PTPRN2: variants seen among roughly 807,000 people sequenced by gnomAD.
PTPRN2 encodes receptor-type tyrosine-protein phosphatase N2.
A neutral mutation model predicts 118.8 loss-of-function variants in PTPRN2; 74 were observed. The ratio of observed to expected loss-of-function variants is 0.62; its 90% CI spans 0.52 to 0.76. PTPRN2 has a LOEUF of 0.76. PTPRN2 is among the 30% of genes least tolerant of loss of function. The probability of loss-of-function intolerance (pLI) is 0.00; values close to 1 mark genes in which losing one functional copy is unlikely to be tolerated. For synonymous variants in PTPRN2, 641 were observed against 608.0 expected (o/e 1.05, Z -0.80); for missense variants, 1,481 against 1,394.4 (o/e 1.06, Z -0.99).
chr7:158,403,594 G>A (rs1437426897), intron 2 of PTPRN2, among the ~76,000 whole-genome samples: 1 of 152,218 alleles, frequency 6.6e-6, no homozygotes, highest in African/African-American at 2.4e-5. Flanking sequence ...AATCACCACA[G>A]AGAGGTCACT....
At chr7:157,734,694 T>A (rs1800197349) in intron 12 of PTPRN2, among the ~76,000 whole-genome samples, 1 of 152,240 alleles carries the variant, frequency 6.6e-6, no homozygotes, top group Non-Finnish European at 1.5e-5. Context: ...TGTACTTACA[T>A]CTGGGGTCAA....
chr7:157,556,331 A>C, intron 21 of PTPRN2, among the ~76,000 whole-genome samples: 1 of 147,192 alleles, frequency 6.8e-6, no homozygotes, highest in South Asian at 2.2e-4. Context: ...ACCCACACTC[A>C]CACTCACGTC....
intron 12 of PTPRN2, among the ~76,000 whole-genome samples, chr7:157,853,149 A>T (rs1392796082): frequency 6.6e-6 from 1 of 152,148 alleles, no homozygotes; most frequent in Admixed American, 6.5e-5. Context: ...GATTCCTGGT[A>T]GGAAACAAGA....
chr7:158,170,306 A>G (rs1422455221), intron 5 of PTPRN2, among the ~76,000 whole-genome samples: 1 of 152,122 alleles, frequency 6.6e-6, no homozygotes, highest in Non-Finnish European at 1.5e-5. Context: ...GGGGGTGGGG[A>G]TCTGCGTCCA....
chr7:157,793,504 T>G (rs963445282), intron 12 of PTPRN2, among the ~76,000 whole-genome samples: 3 of 149,612 alleles, frequency 2.0e-5, no homozygotes, highest in African/African-American at 7.3e-5. Context: ...GCCCGTGGCT[T>G]CACCCTGGGG....
At chr7:158,347,354 C>A (rs1447844408) in intron 2 of PTPRN2, among the ~76,000 whole-genome samples, 1 of 152,174 alleles carries the variant, frequency 6.6e-6, no homozygotes, top group Non-Finnish European at 1.5e-5. Flanking sequence ...AAGACACTGT[C>A]CTTTTCCCAT....
chr7:158,219,737 T>C (rs2150788259), intron 3 of PTPRN2, among the ~76,000 whole-genome samples: 1 of 152,014 alleles, frequency 6.6e-6, no homozygotes, highest in African/African-American at 2.4e-5. Context: ...ACCTTTTAGG[T>C]TTTCTGGGTT....
At chr7:158,174,678 G>T (rs763333114) in intron 5 of PTPRN2, among the ~76,000 whole-genome samples, 1 of 152,214 alleles carries the variant, frequency 6.6e-6, no homozygotes, top group Non-Finnish European at 1.5e-5. Flanking sequence ...TAGGAGTTGA[G>T]TCATAGACAT....
rs116037056 is a variant in PTPRN2, at chr7:158,244,426, G to A, written c.278-39153C>T. ...GATACACAGAGTGTCTGTAGACAGT[G>A]AGCTGTGTGTTTTGCGTGAGTGTGA... On this transcript the variant is annotated intron_variant, in intron 3 of 22. Transcript: ENST00000389418. Among the ~76,000 whole-genome samples, 986 of 152,336 alleles carry A rather than the reference G, an allele frequency of 6.5e-3. 5 individuals carry two copies. The highest frequency in any genetic ancestry group is 0.022 in the African/African-American group (921 of 41,572).
chr7:157,969,298 C>T (rs573814486), intron 11 of PTPRN2, among the ~76,000 whole-genome samples: 45 of 152,228 alleles, frequency 3.0e-4, no homozygotes, highest in South Asian at 2.5e-3. Flanking sequence ...TTTGTAGAGA[C>T]GGGATCTCAC....
chr7:157,554,842 C>T (rs561828361), intron 21 of PTPRN2, among the ~76,000 whole-genome samples: 1 of 152,342 alleles, frequency 6.6e-6, no homozygotes, highest in East Asian at 1.9e-4. Context: ...GATTCAAACA[C>T]CAGGGAAATG....
intron 11 of PTPRN2, among the ~76,000 whole-genome samples, chr7:158,056,239 G>A (rs1003646408): frequency 6.6e-6 from 1 of 152,154 alleles, no homozygotes; most frequent in African/African-American, 2.4e-5. Context: ...CCCAGACAAG[G>A]TCAGATCTCC....
intron 17 of PTPRN2, among the ~76,000 whole-genome samples, chr7:157,584,208 C>T (rs1800540663): frequency 6.6e-6 from 1 of 152,210 alleles, no homozygotes; most frequent in Non-Finnish European, 1.5e-5. Flanking sequence ...TGGGCCCCTT[C>T]AGGAGGAAAG....
chr7:157,592,085 T>C lies in PTPRN2; in HGVS notation c.2496+3153A>G, dbSNP rs140677550. ...CACCTGATACCTGCTGTCCGAGATG[T>C]GTCTCAAAATTATCTTGCATTTCAC... On this transcript the variant is annotated intron_variant, in intron 17 of 22. Coordinates refer to ENST00000389418, the MANE Select transcript of PTPRN2 (RefSeq NM_002847.5). Among the ~76,000 whole-genome samples the C allele has an allele frequency of 2.6e-3, 403 of 152,334 alleles. 3 individuals carry two copies. Among genetic ancestry groups the C allele is most frequent in the African/African-American group, 9.2e-3 (383 of 41,570 alleles).
At chr7:158,150,381 C>T (rs1820852236) in intron 6 of PTPRN2, among the ~76,000 whole-genome samples, 1 of 152,214 alleles carries the variant, frequency 6.6e-6, no homozygotes, top group Non-Finnish European at 1.5e-5. Flanking sequence ...AGTCTCCGCC[C>T]TCCACATGCA....
chr7:158,196,441 C>T (rs544944246), intron 4 of PTPRN2, among the ~76,000 whole-genome samples: 103 of 152,320 alleles, frequency 6.8e-4, no homozygotes, highest in Admixed American at 1.4e-3. Flanking sequence ...GCCTCACCCA[C>T]GTTTATACCC....
chr7:157,839,829 GGCC>G (rs1473229531), intron 12 of PTPRN2, among the ~76,000 whole-genome samples: 1 of 151,620 alleles, frequency 6.6e-6, no homozygotes, highest in African/African-American at 2.4e-5. Context: ...GTGACTGTGT[GGCC>G]ACGTGTGACT....
rs114232666 is a variant in PTPRN2 at position 158,550,016 on chromosome 7, G to A, written c.112+37542C>T. Among the ~76,000 whole-genome samples, 1,194 of 152,318 alleles carry A rather than the reference G, an allele frequency of 7.8e-3. 14 individuals are homozygous for A. The highest frequency in any genetic ancestry group is 0.027 in the African/African-American group (1,104 of 41,558). On this transcript the variant is annotated intron_variant, in intron 1 of 22. Coordinates refer to ENST00000389418, the MANE Select transcript of PTPRN2 (RefSeq NM_002847.5). ...CTCGCCGTCCTCCCCTGGAACTCGGGGCTGGGAGAGGTCGGCGTCAGGAAG... is the reference window on the plus strand; with the variant it reads ...CTCGCCGTCCTCCCCTGGAACTCGGAGCTGGGAGAGGTCGGCGTCAGGAAG...
intron 12 of PTPRN2, among the ~76,000 whole-genome samples, chr7:157,855,720 C>T (rs1054410133): frequency 3.3e-5 from 5 of 152,202 alleles, no homozygotes; most frequent in Non-Finnish European, 7.3e-5. Flanking sequence ...CCAGGAAAGC[C>T]ACTGATTGGG....
Sources: allele counts gnomAD v4.1 joint callset (sites outside exome capture counted in the v4.1 genomes callset), GRCh38; gene constraint gnomAD v4.1.1; transcripts MANE v1.5; gene names NCBI Gene and HGNC (gene_info 2026-07-23, HGNC 2026-07-21).